Variants in RFTN2 observed in about 807,000 individuals in gnomAD.
The protein encoded by RFTN2 is raftlin-2.
In RFTN2, 34 loss-of-function variants were observed where a neutral mutation model predicts 52.7. That is an observed-to-expected ratio of 0.64 (90% CI 0.49 to 0.86). RFTN2 has a LOEUF of 0.86. Among genes scored for constraint, RFTN2 ranks in the 40% least tolerant of loss-of-function variants. RFTN2 has a pLI of 0.00. For missense variants in RFTN2, 536 were observed against 600.1 expected (o/e 0.89, Z 1.12); for synonymous variants, 203 against 217.7 (o/e 0.93, Z 0.59).
intron 8 of RFTN2, among the ~76,000 whole-genome samples, chr2:197,574,267 C>T (rs1456752570): frequency 2.0e-5 from 3 of 152,206 alleles, no homozygotes; most frequent in Non-Finnish European, 4.4e-5. Flanking sequence ...GGCAAAGCTA[C>T]CCAAGGCCAT....
rs2087284154 is a variant in RFTN2, at chr2:197,569,591, AAACG to A, written c.*2413_*2416del. 1 of 152,224 alleles carries A rather than the reference AAACG, an allele frequency of 6.6e-6. No individual in the cohort carries two copies. The highest frequency in any genetic ancestry group is 2.1e-4 in the South Asian group (1 of 4,832). 9.4% of individuals were successfully genotyped at this position (152,224 alleles called of 1,614,324 possible). ...ATAAGAAATAACTCAGATTAAAAAT[AAACG>A]GGAGGGGAGAAAAAAATAAACTGAG... On this transcript the variant is annotated 3_prime_UTR_variant, in exon 9 of 9. Coordinates refer to ENST00000295049, the MANE Select transcript of RFTN2 (RefSeq NM_144629.3).
At chr2:197,589,566 T>C (rs530862036) in intron 8 of RFTN2, among the ~76,000 whole-genome samples, 1 of 152,342 alleles carries the variant, frequency 6.6e-6, no homozygotes, top group East Asian at 1.9e-4. Flanking sequence ...TTAACAGGTG[T>C]ATGATATCTC....
intron 4 of RFTN2, 102 bp from the exon 5 acceptor site, chr2:197,631,322 G>T: frequency 1.2e-6 from 1 of 830,054 alleles, no homozygotes; most frequent in Non-Finnish European, 2.0e-6. Flanking sequence ...ATACAAACAA[G>T]CACTCAGCTT....
chr2:197,636,264 A>G lies in RFTN2; in HGVS notation c.439-2267T>C, dbSNP rs1326929808. Among the ~76,000 whole-genome samples, 54 of 143,756 alleles carry G rather than the reference A, an allele frequency of 3.8e-4. 1 individual carries two copies. Among genetic ancestry groups the G allele is most frequent in the African/African-American group, 1.4e-3 (52 of 38,232 alleles). 94.3% of individuals were successfully genotyped at this position (143,756 alleles called of 152,430 possible). A position where few individuals can be genotyped will look rare whatever the true frequency, so the allele number is the denominator to read the frequency against. ...TATGAACTTTAAAGTAGTTTTTTCC[A>G]ATTCTGTGAAGAAAGGCATTGGTAG... On this transcript the variant is annotated intron_variant, in intron 3 of 8. Coordinates refer to ENST00000295049, the MANE Select transcript of RFTN2 (RefSeq NM_144629.3).
intron 8 of RFTN2, among the ~76,000 whole-genome samples, chr2:197,585,404 A>G (rs2087580709): frequency 6.6e-6 from 1 of 152,090 alleles, no homozygotes; most frequent in Admixed American, 6.6e-5. Flanking sequence ...ATCATAACTG[A>G]TATCTCCTGG....
intron 8 of RFTN2, among the ~76,000 whole-genome samples, chr2:197,576,232 C>G (rs925005985): frequency 6.6e-6 from 1 of 152,046 alleles, no homozygotes; most frequent in African/African-American, 2.4e-5. Flanking sequence ...GTCTTGAACT[C>G]CTGACCTCAG....
In RFTN2 at chr2:197,568,542, T is replaced by G. The variant is rs1182165662; in HGVS notation, c.*3466A>C. 1.3e-5 allele frequency: 2 copies of G among 152,220 alleles called. No individual in the cohort carries two copies. Among genetic ancestry groups the G allele is most frequent in the African/African-American group, 4.8e-5 (2 of 41,454 alleles). 9.4% of individuals were successfully genotyped at this position (152,220 alleles called of 1,614,324 possible). On this transcript the variant is annotated 3_prime_UTR_variant, in exon 9 of 9. Coordinates refer to ENST00000295049, the MANE Select transcript of RFTN2 (RefSeq NM_144629.3). ...TTATTTAAATTGATATGTTACAAGT[T>G]CTGATGAGTAACATTTAGCTAGTTT...
At chr2:197,622,591 C>T (rs552497005) in intron 5 of RFTN2, among the ~76,000 whole-genome samples, 2 of 152,316 alleles carry the variant, frequency 1.3e-5, no homozygotes, top group African/African-American at 4.8e-5. Context: ...CAGGCGTGAG[C>T]CACTGCGCCT....
At chr2:197,585,206 G>C (rs2087576236) in intron 8 of RFTN2, among the ~76,000 whole-genome samples, 1 of 152,104 alleles carries the variant, frequency 6.6e-6, no homozygotes, top group Non-Finnish European at 1.5e-5. Flanking sequence ...ATTCTATTAA[G>C]ACTATTCATC....
chr2:197,629,672 T>TTA (rs2088428735), intron 5 of RFTN2, among the ~76,000 whole-genome samples: 1 of 80,014 alleles, frequency 1.2e-5, no homozygotes. Flanking sequence ...TTTTTAATTT[T>TTA]TATACACACA....
At chr2:197,640,321 C>A (rs1330614974) in intron 3 of RFTN2, among the ~76,000 whole-genome samples, 1 of 152,142 alleles carries the variant, frequency 6.6e-6, no homozygotes, top group South Asian at 2.1e-4. Flanking sequence ...ATGGCGGGCG[C>A]CCCTCCCCCA....
rs577467287 is a variant in RFTN2, at chr2:197,643,912, T to C, written c.438+246A>G. Among the ~76,000 whole-genome samples, 120 of 152,346 alleles carry C rather than the reference T, an allele frequency of 7.9e-4. 1 individual carries two copies. In the Middle Eastern group the frequency reaches 0.01, roughly 13 times the overall value. ...ATGGTTGTTCCTCCATTTTATTTCA[T>C]CAGGTTTGTCATTAAACTTCTTATA... On this transcript the variant is annotated intron_variant, in intron 3 of 8. Coordinates refer to ENST00000295049, the MANE Select transcript of RFTN2 (RefSeq NM_144629.3).
intron 7 of RFTN2, among the ~76,000 whole-genome samples, chr2:197,597,197 C>T (rs936609457): frequency 1.8e-4 from 27 of 152,212 alleles, no homozygotes; most frequent in Non-Finnish European, 4.4e-5. Context: ...AAAGTGATAA[C>T]AGGAGACTGC....
intron 8 of RFTN2, among the ~76,000 whole-genome samples, chr2:197,579,555 T>C (rs1000639380): frequency 6.6e-6 from 1 of 152,192 alleles, no homozygotes; most frequent in African/African-American, 2.4e-5. Context: ...AGATAATTCT[T>C]GTCGTGAAAT....
At position 197,626,865 on chromosome 2, in the gene RFTN2, AC is replaced by A. The variant is rs535881899; in HGVS notation, c.928+4145del. On this transcript the variant is annotated intron_variant, in intron 5 of 8. Transcript: ENST00000295049. ...AAACTCCTGACCTCGTAATCCGCCC[AC>A]CCCAGCCTCCCAAAGTGCTGGGATT... 4.8e-4 allele frequency among the ~76,000 whole-genome samples: 73 copies of A among 151,770 alleles called. No individual in the cohort carries two copies. The South Asian group carries it at 5.4e-3, about 11-fold the overall frequency.
At chr2:197,629,731 A>AT (rs386392250) in intron 5 of RFTN2, among the ~76,000 whole-genome samples, 10 of 146,984 alleles carry the variant, frequency 6.8e-5, no homozygotes, top group Non-Finnish European at 1.3e-4. Flanking sequence ...ATTTTATTTT[A>AT]TTTTTTTTTG....
intron 4 of RFTN2, among the ~76,000 whole-genome samples, 173 bp from the exon 5 acceptor site, chr2:197,631,393 T>G (rs763563731): frequency 1.1e-4 from 16 of 152,218 alleles, no homozygotes; most frequent in Non-Finnish European, 1.8e-4. Context: ...AAATGAGAAA[T>G]GGATACGGTT....
In RFTN2 at chr2:197,633,892, A is replaced by G; in HGVS notation, c.544T>C (p.Ser182Pro). Residue 182 changes from serine to proline, a missense_variant, in exon 4 of 9, where the codon TCG becomes CCG. By Grantham distance (74) the Ser-to-Pro change is moderately conservative (BLOSUM62 -1). Coordinates refer to ENST00000295049, the MANE Select transcript of RFTN2 (RefSeq NM_144629.3). Reference sequence around the variant, plus strand: ...GAACCGTGTCTCACATGTAGCATCGATTCTATATCTCCATCATGGTTGGTT... The same window carrying G: ...GAACCGTGTCTCACATGTAGCATCGGTTCTATATCTCCATCATGGTTGGTT... ...NGTNHDGDIE[S>P]MLHVRHGSDE... 1 of 1,613,876 alleles carries G rather than the reference A, an allele frequency of 6.2e-7. No homozygotes were observed. The highest frequency in any genetic ancestry group is 8.5e-7 in the Non-Finnish European group (1 of 1,179,842).
intron 1 of RFTN2, among the ~76,000 whole-genome samples, chr2:197,660,387 G>A (rs904416043): frequency 1.3e-5 from 2 of 152,030 alleles, no homozygotes; most frequent in Non-Finnish European, 2.9e-5. Flanking sequence ...GTTTTTCCAT[G>A]AAAGCTTCCA....
Sources: allele counts gnomAD v4.1 joint callset (sites outside exome capture counted in the v4.1 genomes callset), GRCh38; gene constraint gnomAD v4.1.1; transcripts MANE v1.5; gene names NCBI Gene and HGNC (gene_info 2026-07-23, HGNC 2026-07-21).